HEPHL1: variants seen among roughly 807,000 people sequenced by gnomAD.
HEPHL1 encodes hephaestin like 1.
HEPHL1 carries 123 observed loss-of-function variants against 122.0 expected under a neutral mutation model. The observed-to-expected ratio is 1.01, with a 90% CI of 0.87 to 1.17. The LOEUF (loss-of-function observed/expected upper bound fraction) is 1.17. Among genes scored for constraint, HEPHL1 ranks in the 50% most tolerant of loss-of-function variants. The pLI is 0.00. For synonymous variants in HEPHL1, 527 were observed against 508.9 expected (o/e 1.04, Z -0.48); for missense variants, 1,452 against 1,430.5 (o/e 1.01, Z -0.24).
intron 16 of HEPHL1, among the ~76,000 whole-genome samples, chr11:94,104,961 G>A (rs1277295641): frequency 6.6e-6 from 1 of 152,172 alleles, no homozygotes; most frequent in Non-Finnish European, 1.5e-5. Flanking sequence ...GTACTAACTT[G>A]TAGGGACATG....
chr11:94,108,574 T>G (rs907095899), intron 17 of HEPHL1, among the ~76,000 whole-genome samples: 1 of 152,064 alleles, frequency 6.6e-6, no homozygotes, highest in Non-Finnish European at 1.5e-5. Context: ...TTTTCATATG[T>G]GGTTCAAGAT....
chr11:94,063,921 A>G (rs1363846639), intron 3 of HEPHL1, among the ~76,000 whole-genome samples: 1 of 152,190 alleles, frequency 6.6e-6, no homozygotes, highest in African/African-American at 2.4e-5. Flanking sequence ...GCATTCTGAG[A>G]CTTTATTGTT....
intron 9 of HEPHL1, among the ~76,000 whole-genome samples, chr11:94,075,778 T>G (rs1307019668): frequency 6.6e-6 from 1 of 152,156 alleles, no homozygotes; most frequent in African/African-American, 2.4e-5. Context: ...TACAGACTAA[T>G]TAAATCAGAA....
In HEPHL1 at chr11:94,104,718, C is replaced by A; in HGVS notation, c.2873C>A (p.Thr958Asn). Residue 958 changes from threonine (T) to asparagine (N), a missense_variant, in exon 16 of 20, where the codon ACT (threonine) becomes AAT (asparagine). Thr to Asn is a moderately conservative substitution (Grantham distance 65). Coordinates refer to ENST00000315765, the MANE Select transcript of HEPHL1 (RefSeq NM_001098672.2). Reference protein sequence around the residue: ...LNKDPRDFKRTDDFEESNRMH... With the variant: ...LNKDPRDFKRNDDFEESNRMH... ...AAAGATCCACGAGATTTTAAGCGCA[C>A]TGATGATTTTGAGGAAAGCAACAGA... is the stretch of plus-strand genomic sequence containing the variant. The A allele has an allele frequency of 1.2e-6, 2 of 1,613,664 alleles. No homozygotes were observed. The highest frequency in any genetic ancestry group is 1.7e-6 in the Non-Finnish European group (2 of 1,179,640).
chr11:94,035,076 CCA>C (rs1436992089), intron 1 of HEPHL1, among the ~76,000 whole-genome samples: 1 of 152,190 alleles, frequency 6.6e-6, no homozygotes, highest in African/African-American at 2.4e-5. Context: ...TCAAATTTCT[CCA>C]CAGTTTCACT....
rs368308314 is a variant in HEPHL1, at chr11:94,075,396, G to A, written c.1716+11G>A. 2 of 1,602,640 alleles carry A rather than the reference G, an allele frequency of 1.2e-6. No individual in the cohort carries two copies. The highest frequency in any genetic ancestry group is 1.7e-6 in the Non-Finnish European group (2 of 1,171,904). On this transcript the variant is annotated intron_variant, in intron 9 of 19. Coordinates refer to ENST00000315765, the MANE Select transcript of HEPHL1 (RefSeq NM_001098672.2). ...GCTGATGGGACACAGGTAGGCCATT[G>A]AGTGTCACCAGTTCTTCTCAGGGTT...
intron 17 of HEPHL1, 66 bp from the exon 18 acceptor site, chr11:94,110,837 C>A: frequency 7.5e-7 from 1 of 1,326,360 alleles, no homozygotes. Context: ...TTTTGCTCTT[C>A]TTTCTGTTCT....
intron 12 of HEPHL1, among the ~76,000 whole-genome samples, chr11:94,093,100 A>ATGTG (rs58076312): frequency 1.9e-3 from 279 of 148,912 alleles, no homozygotes; most frequent in African/African-American, 6.2e-3. Flanking sequence ...GTGGACGTGT[A>ATGTG]TGTGTGTGTG....
chr11:94,066,693 AT>A (rs1308746501), intron 4 of HEPHL1, among the ~76,000 whole-genome samples: 1 of 152,208 alleles, frequency 6.6e-6, no homozygotes, highest in Non-Finnish European at 1.5e-5. Flanking sequence ...ATTTACTAAA[AT>A]AATTTAGAAT....
At chr11:94,039,904 A>G (rs1463395443) in intron 1 of HEPHL1, among the ~76,000 whole-genome samples, 3 of 96,440 alleles carry the variant, frequency 3.1e-5, no homozygotes, top group East Asian at 2.4e-4. Context: ...AGACACAAAA[A>G]ACCCTTCAAA....
At chr11:94,037,568 C>A (rs1945738072) in intron 1 of HEPHL1, among the ~76,000 whole-genome samples, 1 of 152,168 alleles carries the variant, frequency 6.6e-6, no homozygotes, top group African/African-American at 2.4e-5. Context: ...ACCCCTGACC[C>A]CCAAGCAGCC....
chr11:94,046,091 C>CTTTTTTTTTT (rs755367459), intron 2 of HEPHL1, among the ~76,000 whole-genome samples, 174 bp downstream of exon 2: 10,459 of 64,858 alleles, frequency 0.16, 3,348 homozygotes, highest in Middle Eastern at 0.24. Context: ...CCCTTTCTTG[C>CTTTTTTTTTT]TTTTTTTTTT....
At chr11:94,051,858 G>A (rs1212863589) in intron 2 of HEPHL1, among the ~76,000 whole-genome samples, 2 of 151,998 alleles carry the variant, frequency 1.3e-5, no homozygotes, top group Admixed American at 6.6e-5. Context: ...TCTGCATATG[G>A]GTATCCAGTT....
chr11:94,093,638 TG>T lies in HEPHL1; in HGVS notation c.2434+1del. ...CCACGAGAGGAGCACTTAGAACTCC[TG>T]GGTATGGCACAGATTTCAGGCGTGC... is the stretch of plus-strand genomic sequence containing the variant. ...RPPREEHLEL[L>X]GPMIHAEVGN... On this transcript the variant is annotated frameshift_variant and splice_region_variant, in exon 13 of 20. Coordinates refer to ENST00000315765, the MANE Select transcript of HEPHL1 (RefSeq NM_001098672.2). LOFTEE classifies it high-confidence loss of function. 1 of 1,612,450 alleles carries T rather than the reference TG, an allele frequency of 6.2e-7. No homozygotes were observed. The highest frequency in any genetic ancestry group is 1.1e-5 in the South Asian group (1 of 90,936).
In HEPHL1 at chr11:94,086,052, T is replaced by C. The variant is rs377198175; in HGVS notation, c.1943T>C (p.Ile648Thr). ...CKRDRVSWHL[I>T]GLGTDTDMHG... is the part of the protein sequence containing the mutation. ...AGGGATAGAGTTTCCTGGCATCTGA[T>C]TGGATTGGGCACTGACACTGACATG... The change falls in exon 11 of 20, where the codon ATT (isoleucine) becomes ACT (threonine). Residue 648 changes from isoleucine to threonine, a missense_variant. Physicochemically the swap from Ile to Thr is moderately conservative, Grantham distance 89. Transcript: ENST00000315765. The C allele has an allele frequency of 6.2e-7, 1 of 1,613,734 alleles. No homozygotes were observed. The highest frequency in any genetic ancestry group is 1.3e-5 in the African/African-American group (1 of 74,868).
intron 1 of HEPHL1, among the ~76,000 whole-genome samples, chr11:94,024,878 G>A (rs1185233409): frequency 6.6e-6 from 1 of 152,088 alleles, no homozygotes. Context: ...ATATCCTATG[G>A]AGGATCCAGT....
intron 9 of HEPHL1, among the ~76,000 whole-genome samples, chr11:94,081,762 T>C (rs541197199): frequency 1.1e-4 from 17 of 152,300 alleles, no homozygotes; most frequent in African/African-American, 3.8e-4. Flanking sequence ...GAAACTCACA[T>C]TGCAGTAGGA....
intron 2 of HEPHL1, chr11:94,055,856 C>G: frequency 1.7e-6 from 1 of 575,860 alleles, no homozygotes. Flanking sequence ...TGGAATCTGC[C>G]AAAGATTTAG....
At position 94,066,968 on chromosome 11, in the gene HEPHL1, C is replaced by T. The variant is rs115638119; in HGVS notation, c.809-528C>T. On this transcript the variant is annotated intron_variant, in intron 4 of 19. Transcript: ENST00000315765. ...AAAGTAAACAAACAAACAAACAAAACAGTTCTCATAAATTCCTTTTAATCA... is the reference window on the plus strand; with the variant it reads ...AAAGTAAACAAACAAACAAACAAAATAGTTCTCATAAATTCCTTTTAATCA... Among the ~76,000 whole-genome samples, 1,155 of 152,292 alleles carry T rather than the reference C, an allele frequency of 7.6e-3. 17 individuals carry two copies. Among genetic ancestry groups the T allele is most frequent in the African/African-American group, 0.027 (1,117 of 41,572 alleles).
Sources: allele counts gnomAD v4.1 joint callset (sites outside exome capture counted in the v4.1 genomes callset), GRCh38; gene constraint gnomAD v4.1.1; transcripts MANE v1.5; gene names NCBI Gene and HGNC (gene_info 2026-07-23, HGNC 2026-07-21).